KSR2: variants seen among roughly 807,000 people sequenced by gnomAD.
KSR2 encodes the protein kinase suppressor of ras 2.
Under a neutral mutation model 107.8 loss-of-function variants are expected in KSR2, and 25 were observed. That is an observed-to-expected ratio of 0.23 (90% CI 0.17 to 0.32). KSR2 has a LOEUF of 0.32. Ranked by LOEUF, KSR2 falls within the 10% of genes least tolerant of loss-of-function variation. The pLI is 1.00. For synonymous variants in KSR2, 480 were observed against 507.0 expected (o/e 0.95, Z 0.71); for missense variants, 887 against 1,268.9 (o/e 0.70, Z 4.57).
intron 5 of KSR2, among the ~76,000 whole-genome samples, chr12:117,583,151 G>T (rs915999802): frequency 6.6e-6 from 1 of 152,002 alleles, no homozygotes; most frequent in African/African-American, 2.4e-5. Flanking sequence ...ATGGATAGGC[G>T]GGTGGGTGAG....
At chr12:117,617,127 C>A (rs1336467537) in intron 5 of KSR2, among the ~76,000 whole-genome samples, 1 of 152,174 alleles carries the variant, frequency 6.6e-6, no homozygotes, top group East Asian at 1.9e-4. Flanking sequence ...TGATCACTAT[C>A]TCTTCAAATT....
At chr12:117,471,513 A>G (rs1871456547) in intron 17 of KSR2, among the ~76,000 whole-genome samples, 193 bp from the exon 18 acceptor site, 2 of 152,160 alleles carry the variant, frequency 1.3e-5, no homozygotes. Flanking sequence ...AGTCATGTTT[A>G]TCCCAGGATA....
In KSR2 at chr12:117,717,673, G is replaced by A. The variant is rs1187029376; in HGVS notation, c.986+43338C>T. Reference sequence around the variant, plus strand: ...GCATGTGTGGGGCAGACAGGTGTGTGTGTGTGTGTGTGTGTGTGTGTGTGT... The same window carrying A: ...GCATGTGTGGGGCAGACAGGTGTGTATGTGTGTGTGTGTGTGTGTGTGTGT... On this transcript the variant is annotated intron_variant, in intron 4 of 19. Transcript: ENST00000339824. Among the ~76,000 whole-genome samples, 45 of 11,014 alleles carry A rather than the reference G, an allele frequency of 4.1e-3. 1 individual carries two copies. In the South Asian group the frequency reaches 0.041, roughly 10 times the overall value. 7.2% of individuals were successfully genotyped at this position (11,014 alleles called of 152,430 possible). A position where few individuals can be genotyped will look rare whatever the true frequency, so the allele number is the denominator to read the frequency against.
intron 4 of KSR2, among the ~76,000 whole-genome samples, chr12:117,711,140 G>C (rs1274307377): frequency 6.6e-6 from 1 of 152,120 alleles, no homozygotes; most frequent in East Asian, 1.9e-4. Context: ...TCTATTTAAA[G>C]ACCATTGCAG....
At chr12:117,825,320 C>T (rs781497191) in intron 3 of KSR2, among the ~76,000 whole-genome samples, 10 of 151,850 alleles carry the variant, frequency 6.6e-5, no homozygotes, top group African/African-American at 9.7e-5. Context: ...TTGGTAGGTA[C>T]GCGGATGGAT....
At chr12:117,469,928 T>TCCATCCATTCATCCA in intron 18 of KSR2, 133 bp from the exon 19 acceptor site, 1 of 751,794 alleles carries the variant, frequency 1.3e-6, no homozygotes, top group Non-Finnish European at 2.1e-6. Context: ...CATTCATCCA[T>TCCATCCATTCATCCA]CCATCCATCC....
intron 5 of KSR2, among the ~76,000 whole-genome samples, chr12:117,638,707 G>A (rs979231989): frequency 6.6e-6 from 1 of 152,080 alleles, no homozygotes; most frequent in Non-Finnish European, 1.5e-5. Flanking sequence ...AGGTAATCAG[G>A]AAATGCACAT....
intron 14 of KSR2, among the ~76,000 whole-genome samples, chr12:117,496,978 G>A (rs990490283): frequency 6.6e-6 from 1 of 151,566 alleles, no homozygotes; most frequent in Admixed American, 6.6e-5. Context: ...AGCCTCCCAA[G>A]TAGCTTGTAC....
At chr12:117,645,573 C>T (rs946309532) in intron 5 of KSR2, among the ~76,000 whole-genome samples, 27 of 152,176 alleles carry the variant, frequency 1.8e-4, no homozygotes, top group African/African-American at 6.0e-4. Flanking sequence ...ATTGAGTTTA[C>T]ACCCATGTAG....
chr12:117,846,876 C>T (rs1892724315), intron 3 of KSR2, among the ~76,000 whole-genome samples: 1 of 152,192 alleles, frequency 6.6e-6, no homozygotes, highest in Non-Finnish European at 1.5e-5. Context: ...TGATGAGAAC[C>T]CACAGCCAGC....
intron 3 of KSR2, among the ~76,000 whole-genome samples, chr12:117,848,933 C>G (rs551989648): frequency 8.6e-5 from 13 of 151,202 alleles, no homozygotes; most frequent in Non-Finnish European, 1.9e-4. Context: ...TGTAATGCTC[C>G]CAGCAACCAC....
chr12:117,795,529 C>G (rs543721514), intron 3 of KSR2, among the ~76,000 whole-genome samples: 1 of 152,292 alleles, frequency 6.6e-6, no homozygotes, highest in East Asian at 1.9e-4. Context: ...ATGTCCCCAG[C>G]TCCCAGAGAA....
intron 4 of KSR2, among the ~76,000 whole-genome samples, chr12:117,694,871 A>ATTTTAT (rs1885987131): frequency 9.7e-6 from 1 of 102,918 alleles, no homozygotes. Context: ...TTTTTTTGAG[A>ATTTTAT]TGGAGCCTCA....
At chr12:117,793,462 C>T (rs1384007395) in intron 3 of KSR2, among the ~76,000 whole-genome samples, 1 of 150,322 alleles carries the variant, frequency 6.7e-6, no homozygotes, top group Non-Finnish European at 1.5e-5. Context: ...AACATGCACA[C>T]ATACACCAAC....
chr12:117,784,390 C>T (rs142189019), intron 3 of KSR2, among the ~76,000 whole-genome samples: 1 of 152,340 alleles, frequency 6.6e-6, no homozygotes, highest in African/African-American at 2.4e-5. Flanking sequence ...TCCTCTTCTG[C>T]CATGATTGTG....
chr12:117,736,702 A>G (rs1011816048), intron 4 of KSR2, among the ~76,000 whole-genome samples: 4 of 151,830 alleles, frequency 2.6e-5, no homozygotes, highest in Non-Finnish European at 4.4e-5. Flanking sequence ...AGTTCCAGCT[A>G]CTCAGGAGGC....
intron 1 of KSR2, among the ~76,000 whole-genome samples, chr12:117,909,144 A>G (rs1386767015): frequency 1.3e-5 from 2 of 152,256 alleles, no homozygotes; most frequent in Admixed American, 1.3e-4. Context: ...GCAGCATTCC[A>G]ACACCCTCAA....
At chr12:117,504,880 A>G (rs889290163) in intron 14 of KSR2, among the ~76,000 whole-genome samples, 1 of 152,132 alleles carries the variant, frequency 6.6e-6, no homozygotes, top group Non-Finnish European at 1.5e-5. Context: ...GTTGTACCCA[A>G]TATGTAGTTT....
chr12:117,767,296 G>T (rs1199010531), intron 3 of KSR2, among the ~76,000 whole-genome samples: 1 of 151,386 alleles, frequency 6.6e-6, no homozygotes, highest in East Asian at 2.0e-4. Flanking sequence ...GTGGTGGCGG[G>T]CGCGTGTAGT....
Sources: gnomAD v4.1 joint callset for allele counts (sites outside exome capture counted in the v4.1 genomes callset) on GRCh38, gnomAD v4.1.1 for gene constraint, MANE v1.5 for transcripts, NCBI Gene and HGNC (gene_info 2026-07-23, HGNC 2026-07-21) for gene names.